Variants in SEMA4D observed in about 807,000 individuals in gnomAD.
SEMA4D encodes semaphorin 4D.
Under a neutral mutation model 74.8 loss-of-function variants are expected in SEMA4D, and 22 were observed. The observed-to-expected ratio is 0.29, with a 90% CI of 0.21 to 0.42. The LOEUF (loss-of-function observed/expected upper bound fraction) is 0.42, where lower values mean the gene tolerates loss of function less well. Among genes scored for constraint, SEMA4D ranks in the 10% least tolerant of loss-of-function variants. The pLI, the probability that SEMA4D is intolerant of heterozygous loss-of-function variation, is 1.00. For missense variants in SEMA4D, 937 were observed against 1,118.4 expected, an observed-to-expected ratio of 0.84 and a Z score of 2.31; for synonymous variants, 445 against 463.7, an observed-to-expected ratio of 0.96 and a Z score of 0.52.
chr9:89,386,356 C>T lies in SEMA4D; in HGVS notation c.1446+11G>A, dbSNP rs770183549. The T allele has an allele frequency of 6.7e-5, 107 of 1,595,270 alleles. No homozygotes were observed. The highest frequency in any genetic ancestry group is 8.5e-5 in the Non-Finnish European group (99 of 1,164,732). ...GAGAAGCCCCCGGTCCAGCTGCCTG[C>T]GTCACTTTACCTTCTTTGAAGACAG... On this transcript the variant is annotated intron_variant, in intron 13 of 15. Transcript: ENST00000422704.
downstream of SEMA4D, among the ~76,000 whole-genome samples, chr9:89,373,606 GACACTT>G (rs1564506544): frequency 6.6e-6 from 1 of 152,228 alleles, no homozygotes; most frequent in Non-Finnish European, 1.5e-5. Context: ...ATATTCTAAA[GACACTT>G]TGCTAGCCCT....
chr9:89,494,058 C>G (rs1330077035), intron 1 of SEMA4D, among the ~76,000 whole-genome samples: 1 of 152,200 alleles, frequency 6.6e-6, no homozygotes, highest in Non-Finnish European at 1.5e-5. Flanking sequence ...GGATCAATAA[C>G]TATTGATTCA....
intron 17 of SEMA4D, chr9:89,363,591 A>G (rs1833100903): frequency 1.9e-6 from 3 of 1,604,882 alleles, no homozygotes; most frequent in Admixed American, 3.4e-5. Flanking sequence ...CTTGATGCCC[A>G]CTGGCCACCT....
chr9:89,444,147 C>G (rs527745641), intron 2 of SEMA4D, among the ~76,000 whole-genome samples: 1 of 152,114 alleles, frequency 6.6e-6, no homozygotes, highest in Non-Finnish European at 1.5e-5. Flanking sequence ...GAAATTATAC[C>G]TACCTACCAT....
chr9:89,419,924 A>C lies in SEMA4D; in HGVS notation c.-243-14225T>G, dbSNP rs186797034. Among the ~76,000 whole-genome samples, 1,131 of 152,330 alleles carry C rather than the reference A, an allele frequency of 7.4e-3. 16 individuals are homozygous for C. Among genetic ancestry groups the C allele is most frequent in the African/African-American group, 0.025 (1,035 of 41,572 alleles). On this transcript the variant is annotated intron_variant, in intron 2 of 15. Coordinates refer to ENST00000422704, the MANE Select transcript of SEMA4D (RefSeq NM_001371194.2). The stretch of plus-strand genomic sequence containing the variant: ...AGAAAAAGACTCCGTCTCAAAAAAA[A>C]CAAAAAAACACCTGAAAAACTTCTA...
intron 2 of SEMA4D, among the ~76,000 whole-genome samples, chr9:89,407,709 C>T (rs1283856397): frequency 3.9e-5 from 6 of 152,214 alleles, no homozygotes; most frequent in Non-Finnish European, 7.3e-5. Context: ...GACAACCCTA[C>T]TCTACCTCCA....
At position 89,405,435 on chromosome 9, in the gene SEMA4D, T is replaced by C; in HGVS notation, c.22A>G (p.Arg8Gly). The change falls in exon 3 of 16, where the codon AGG becomes GGG. Residue 8 changes from arginine to glycine, a missense_variant. Transcript: ENST00000422704. MRMCTPI[R>G]GLLMALAVMF... is the part of the protein sequence containing the mutation. ...ACTGCAAGGGCCATGAGCAGCCCCC[T>C]AATGGGGGTGCACATCCTCATCAGG... 6.2e-7 allele frequency: 1 copy of C among 1,613,874 alleles called. No individual in the cohort carries two copies. The highest frequency in any genetic ancestry group is 8.5e-7 in the Non-Finnish European group (1 of 1,179,994).
At chr9:89,488,458 C>T (rs1228982464) in intron 1 of SEMA4D, among the ~76,000 whole-genome samples, 11 of 144,748 alleles carry the variant, frequency 7.6e-5, no homozygotes, top group Admixed American at 6.5e-4. Context: ...TTGCAACCTC[C>T]GCCTCCCAGG....
intron 2 of SEMA4D, chr9:89,449,546 G>C (rs1853830199): frequency 1.3e-6 from 1 of 776,352 alleles, no homozygotes; most frequent in Non-Finnish European, 2.4e-6. Flanking sequence ...CTGCAGTGGT[G>C]GTGGCAGGAA....
intron 9 of SEMA4D, among the ~76,000 whole-genome samples, chr9:89,390,345 G>A (rs1839554078): frequency 7.1e-6 from 1 of 139,866 alleles, no homozygotes; most frequent in Non-Finnish European, 1.6e-5. Context: ...TGCAAGACAG[G>A]AGCATGGCAG....
At chr9:89,462,438 T>C (rs557465583) in intron 1 of SEMA4D, among the ~76,000 whole-genome samples, 21 of 152,200 alleles carry the variant, frequency 1.4e-4, no homozygotes, top group Non-Finnish European at 2.6e-4. Context: ...ACAACATTGA[T>C]GTGAGCAACG....
intron 9 of SEMA4D, among the ~76,000 whole-genome samples, chr9:89,390,727 C>A (rs533743840): frequency 6.6e-6 from 1 of 152,184 alleles, no homozygotes; most frequent in Admixed American, 6.5e-5. Context: ...TGACAATCCA[C>A]CTCCTGGAAA....
chr9:89,450,399 A>G, intron 2 of SEMA4D: 1 of 1,190,058 alleles, frequency 8.4e-7, no homozygotes, highest in Non-Finnish European at 1.3e-6. Context: ...ATTTACTTCA[A>G]GAGCATGTGA....
intron 16 of SEMA4D, among the ~76,000 whole-genome samples, chr9:89,371,728 CTG>C (rs1224697490): frequency 2.5e-5 from 1 of 40,148 alleles, no homozygotes; most frequent in African/African-American, 1.2e-4. Context: ...TGGTGTGTGT[CTG>C]GGGTGTGGTG....
rs549466259 is a variant in SEMA4D at position 89,476,648 on chromosome 9, A to G, written c.-309-20695T>C. ...ATTTTAGACTCGTGGCATCTCCACAATCAGGTGAGCCAATTCCTTGTAATG... is the reference window on the plus strand; with the variant it reads ...ATTTTAGACTCGTGGCATCTCCACAGTCAGGTGAGCCAATTCCTTGTAATG... On this transcript the variant is annotated intron_variant, in intron 1 of 15. Coordinates refer to ENST00000422704, the MANE Select transcript of SEMA4D (RefSeq NM_001371194.2). Among the ~76,000 whole-genome samples the G allele has an allele frequency of 3.9e-5, 6 of 152,308 alleles. 1 individual carries two copies. The highest frequency in any genetic ancestry group is 1.4e-4 in the African/African-American group (6 of 41,562).
intron 13 of SEMA4D, among the ~76,000 whole-genome samples, chr9:89,382,174 C>T (rs1039233446): frequency 7.9e-5 from 12 of 152,204 alleles, no homozygotes; most frequent in Admixed American, 2.0e-4. Flanking sequence ...TGCTTTTGAA[C>T]GGAACTCAGC....
rs1201732617 is a variant in SEMA4D at position 89,426,445 on chromosome 9, C to T, written c.-243-20746G>A. On this transcript the variant is annotated intron_variant, in intron 2 of 15. Coordinates refer to ENST00000422704, the MANE Select transcript of SEMA4D (RefSeq NM_001371194.2). The stretch of plus-strand genomic sequence containing the variant: ...CAACAGGAGGCTCTCCCTCACTATC[C>T]GGGCCTCCTCCCCAGGACATGGCTT... Among the ~76,000 whole-genome samples, 5 of 152,192 alleles carry T rather than the reference C, an allele frequency of 3.3e-5. No individual in the cohort carries two copies. The South Asian group carries it at 6.2e-4, about 19-fold the overall frequency.
intron 1 of SEMA4D, among the ~76,000 whole-genome samples, chr9:89,482,389 C>T (rs566206306): frequency 1.3e-5 from 2 of 152,308 alleles, no homozygotes; most frequent in South Asian, 2.1e-4. Flanking sequence ...GGGCCACACT[C>T]GTTACGGTTT....
chr9:89,421,020 G>T (rs982693666), intron 2 of SEMA4D, among the ~76,000 whole-genome samples: 1 of 152,210 alleles, frequency 6.6e-6, no homozygotes, highest in Non-Finnish European at 1.5e-5. Context: ...AACAAGCAGG[G>T]TGCAGCTATT....
Sources: allele counts gnomAD v4.1 joint callset (sites outside exome capture counted in the v4.1 genomes callset), GRCh38; gene constraint gnomAD v4.1.1; transcripts MANE v1.5; gene names NCBI Gene and HGNC (gene_info 2026-07-23, HGNC 2026-07-21).